DAB1: variants seen among roughly 807,000 people sequenced by gnomAD.
The protein encoded by DAB1 is DAB adaptor protein 1, also known as disabled homolog 1.
Under a neutral mutation model 64.6 loss-of-function variants are expected in DAB1, and 15 were observed. That is an observed-to-expected ratio of 0.23 (90% confidence interval 0.16 to 0.36). The LOEUF (loss-of-function observed/expected upper bound fraction) is 0.36. DAB1 is among the 10% of genes least tolerant of loss of function. DAB1 has a pLI of 1.00. For synonymous variants in DAB1, 235 were observed against 251.9 expected, an observed-to-expected ratio of 0.93 and a Z score of 0.64; for missense variants, 596 against 706.7, an observed-to-expected ratio of 0.84 and a Z score of 1.78.
At chr1:57,200,086 A>C (rs951465814) in intron 2 of DAB1, among the ~76,000 whole-genome samples, 1 of 152,168 alleles carries the variant, frequency 6.6e-6, no homozygotes, top group Non-Finnish European at 1.5e-5. Context: ...CATCAGAATG[A>C]ATTTAGGCAG....
At chr1:58,041,001 G>C (rs78455600) in intron 5 of DAB1, among the ~76,000 whole-genome samples, 2,936 of 152,148 alleles carry the variant, frequency 0.019, 82 homozygotes, top group African/African-American at 0.063. Flanking sequence ...TCACCCCCTG[G>C]ATACATTACA....
At chr1:57,971,866 A>G (rs1248594276) in intron 5 of DAB1, among the ~76,000 whole-genome samples, 1 of 152,206 alleles carries the variant, frequency 6.6e-6, no homozygotes, top group Non-Finnish European at 1.5e-5. Flanking sequence ...CAAACCAGAT[A>G]TACCTGCTAG....
chr1:57,483,234 G>C (rs1644046862), intron 7 of DAB1, among the ~76,000 whole-genome samples: 1 of 152,142 alleles, frequency 6.6e-6, no homozygotes, highest in African/African-American at 2.4e-5. Context: ...TGGTTTGGCT[G>C]TGTCCCCACC....
intron 5 of DAB1, among the ~76,000 whole-genome samples, chr1:58,112,251 A>G (rs1430480526): frequency 6.6e-6 from 1 of 152,184 alleles, no homozygotes; most frequent in East Asian, 1.9e-4. Flanking sequence ...ATATATGTTA[A>G]CTTATTTATT....
chr1:58,058,296 T>C (rs1251809687), intron 5 of DAB1, among the ~76,000 whole-genome samples: 1 of 152,192 alleles, frequency 6.6e-6, no homozygotes, highest in East Asian at 1.9e-4. Context: ...TCTATAGTTG[T>C]CTACAATGAA....
At chr1:58,136,065 G>C (rs1159567096) in intron 5 of DAB1, among the ~76,000 whole-genome samples, 1 of 152,154 alleles carries the variant, frequency 6.6e-6, no homozygotes, top group Non-Finnish European at 1.5e-5. Flanking sequence ...TGAGGGGAAA[G>C]AAAAGGAAGA....
At chr1:57,676,902 A>C (rs1043145384) in intron 6 of DAB1, among the ~76,000 whole-genome samples, 2 of 152,280 alleles carry the variant, frequency 1.3e-5, no homozygotes, top group Admixed American at 6.5e-5. Context: ...TGGAACATAC[A>C]GAAAGAGAAA....
intron 4 of DAB1, among the ~76,000 whole-genome samples, chr1:58,243,511 G>T (rs1036047975): frequency 1.3e-5 from 2 of 150,976 alleles, no homozygotes; most frequent in South Asian, 2.1e-4. Context: ...TATGGCTGGG[G>T]TTTTTTTTTA....
chr1:57,589,177 G>A (rs1384805812), intron 7 of DAB1, among the ~76,000 whole-genome samples: 3 of 152,088 alleles, frequency 2.0e-5, no homozygotes, highest in African/African-American at 7.2e-5. Context: ...CCGAGATCAT[G>A]CCATTGCACT....
At chr1:58,373,254 G>A (rs980862095) in intron 3 of DAB1, among the ~76,000 whole-genome samples, 28 of 145,672 alleles carry the variant, frequency 1.9e-4, no homozygotes, top group African/African-American at 7.0e-4. Flanking sequence ...CATGTGCCAT[G>A]CTGGTGCGCT....
At chr1:58,418,396 G>T (rs954389728) in intron 3 of DAB1, among the ~76,000 whole-genome samples, 1 of 152,048 alleles carries the variant, frequency 6.6e-6, no homozygotes, top group Non-Finnish European at 1.5e-5. Flanking sequence ...TTTCTCCTCT[G>T]CTTGCAAAAG....
At chr1:58,275,125 C>G (rs997597014) in intron 4 of DAB1, among the ~76,000 whole-genome samples, 7 of 151,932 alleles carry the variant, frequency 4.6e-5, no homozygotes, top group Admixed American at 4.6e-4. Flanking sequence ...ATTGGATGTC[C>G]ACATATAAAA....
At position 58,336,381 on chromosome 1, in the gene DAB1, C is replaced by T. The variant is rs145149047; in HGVS notation, n.309+6971G>A. Among the ~76,000 whole-genome samples the T allele has an allele frequency of 1.5e-3, 229 of 152,232 alleles. 2 individuals carry two copies. Among genetic ancestry groups the T allele is most frequent in the Middle Eastern group, 0.014 (4 of 294 alleles). ...TTGCTTCAGATGTCCTCTTTGAGTA[C>T]CTAGATTGCTTGATCTGTGAGGTTG... is the stretch of plus-strand genomic sequence containing the variant. On this transcript the variant is annotated intron_variant and non_coding_transcript_variant, in intron 4 of 20. Transcript: ENST00000485760.
At chr1:57,933,004 A>G (rs1033712729) in intron 5 of DAB1, among the ~76,000 whole-genome samples, 1 of 152,140 alleles carries the variant, frequency 6.6e-6, no homozygotes, top group Non-Finnish European at 1.5e-5. Flanking sequence ...ATTTTTCAAA[A>G]TGGCTCCTTT....
At chr1:57,215,106 A>C (rs1199835291) in intron 2 of DAB1, among the ~76,000 whole-genome samples, 2 of 151,962 alleles carry the variant, frequency 1.3e-5, no homozygotes, top group Non-Finnish European at 2.9e-5. Context: ...CTCTTTCATG[A>C]CTCAAATTCA....
At chr1:57,459,177 T>C (rs1558400555) in intron 7 of DAB1, among the ~76,000 whole-genome samples, 1 of 152,184 alleles carries the variant, frequency 6.6e-6, no homozygotes, top group Non-Finnish European at 1.5e-5. Flanking sequence ...ACATAATTTA[T>C]CTATAATTTT....
chr1:57,386,683 C>T (rs1681888581), intron 1 of DAB1: 1 of 152,136 alleles, frequency 6.6e-6, no homozygotes, highest in African/African-American at 2.4e-5. Flanking sequence ...AAATGGCCCT[C>T]TTCCTCACAC....
At chr1:57,157,183 T>C (rs897020564) in intron 2 of DAB1, among the ~76,000 whole-genome samples, 6 of 152,192 alleles carry the variant, frequency 3.9e-5, no homozygotes, top group African/African-American at 1.4e-4. Context: ...TCATAGATTA[T>C]AATAAGCACA....
chr1:58,237,587 G>A (rs1398091359), intron 4 of DAB1, among the ~76,000 whole-genome samples: 2 of 151,900 alleles, frequency 1.3e-5, no homozygotes, highest in East Asian at 3.9e-4. Context: ...ATGTAAAGGA[G>A]GCAGAATTGT....
Sources: allele counts gnomAD v4.1 joint callset (sites outside exome capture counted in the v4.1 genomes callset), GRCh38; gene constraint gnomAD v4.1.1; transcripts MANE v1.5; gene names NCBI Gene and HGNC (gene_info 2026-07-23, HGNC 2026-07-21).